The following SYDE2 variants were observed in gnomAD, a reference collection of about 807,000 sequenced individuals.
SYDE2 encodes the protein rho GTPase-activating protein SYDE2.
In SYDE2, 76 loss-of-function variants were observed where a neutral mutation model predicts 91.5. That is an observed-to-expected ratio of 0.83 (90% CI 0.69 to 1.01). The LOEUF is 1.01. Ranked by LOEUF, SYDE2 falls within the 50% of genes least tolerant of loss-of-function variation. The pLI, the probability that SYDE2 is intolerant of heterozygous loss-of-function variation, is 0.00. For missense variants in SYDE2, 1,364 were observed against 1,367.7 expected (o/e 1.00, Z 0.04); for synonymous variants, 513 against 506.4 (o/e 1.01, Z -0.18).
intron 2 of SYDE2, among the ~76,000 whole-genome samples, chr1:85,187,461 T>A (rs1658190282): frequency 6.6e-6 from 1 of 150,928 alleles, no homozygotes; most frequent in Admixed American, 6.6e-5. Context: ...AGTGTGGTGA[T>A]TCCTCAGGGA....
chr1:85,166,050 T>A (rs1032944597), intron 5 of SYDE2, among the ~76,000 whole-genome samples: 2 of 151,864 alleles, frequency 1.3e-5, no homozygotes, highest in Admixed American at 6.6e-5. Flanking sequence ...TTTTTAAAAA[T>A]TTTTTTGTAG....
intron 3 of SYDE2, among the ~76,000 whole-genome samples, chr1:85,180,239 C>T (rs1420165970): frequency 6.6e-6 from 1 of 151,832 alleles, no homozygotes; most frequent in Non-Finnish European, 1.5e-5. Context: ...CCCAATAATA[C>T]AAGAATAATT....
At chr1:85,188,161 A>G (rs962445965) in intron 2 of SYDE2, among the ~76,000 whole-genome samples, 25 of 152,222 alleles carry the variant, frequency 1.6e-4, no homozygotes, top group African/African-American at 6.0e-4. Flanking sequence ...GCTATCTGTG[A>G]TACTATAGCC....
intron 1 of SYDE2, among the ~76,000 whole-genome samples, chr1:85,197,219 G>A (rs1365304113): frequency 2.0e-5 from 3 of 152,114 alleles, no homozygotes. Flanking sequence ...CGGCCAATCT[G>A]CGAACACTAC....
At chr1:85,159,413 A>G (rs1656982705) in intron 6 of SYDE2, among the ~76,000 whole-genome samples, 164 bp from the exon 7 acceptor site, 2 of 152,234 alleles carry the variant, frequency 1.3e-5, no homozygotes, top group Admixed American at 6.5e-5. Context: ...TTTTATTACC[A>G]GAAATAATCT....
chr1:85,191,757 C>CAAAAAA (rs534474157), intron 1 of SYDE2, among the ~76,000 whole-genome samples: 1 of 93,468 alleles, frequency 1.1e-5, no homozygotes, highest in East Asian at 3.2e-4. Context: ...GATTCCGTCT[C>CAAAAAA]AAAAAAAAAA....
In SYDE2 at chr1:85,200,614, C is replaced by A; in HGVS notation, c.383G>T (p.Gly128Val). The change falls in exon 1 of 7, where the codon GGC becomes GTC. Residue 128 changes from glycine (G) to valine (V), a missense_variant. Coordinates refer to ENST00000341460, the MANE Select transcript of SYDE2 (RefSeq NM_032184.2). ...EPPPRGGRMD[G>V]WSGDRARAAA... The stretch of plus-strand genomic sequence containing the variant: ...CGCCCGGGCGCGGTCCCCACTCCAG[C>A]CGTCCATCCTGCCTCCACGTGGCGG... The A allele has an allele frequency of 6.4e-7, 1 of 1,556,100 alleles. No individual in the cohort carries two copies. The highest frequency in any genetic ancestry group is 8.7e-7 in the Non-Finnish European group (1 of 1,155,808).
chr1:85,160,734 C>G (rs761778965), intron 6 of SYDE2: 1 of 985,204 alleles, frequency 1.0e-6, no homozygotes, highest in Non-Finnish European at 1.2e-6. Flanking sequence ...CAACCAATTA[C>G]AATATTCTGC....
chr1:85,196,508 T>G (rs1174389242), intron 1 of SYDE2, among the ~76,000 whole-genome samples: 1 of 152,138 alleles, frequency 6.6e-6, no homozygotes, highest in Non-Finnish European at 1.5e-5. Flanking sequence ...ATGTAGGACT[T>G]TCAAATCAAC....
At chr1:85,160,325 T>C (rs958866604) in intron 6 of SYDE2, 3 of 910,426 alleles carry the variant, frequency 3.3e-6, no homozygotes, top group Non-Finnish European at 1.3e-6. Context: ...TAAAGTGATA[T>C]TCATAACATT....
In SYDE2 at chr1:85,200,392, G is replaced by T. The variant is rs1375845985; in HGVS notation, c.605C>A (p.Ser202Tyr). The T allele has an allele frequency of 9.3e-6, 15 of 1,613,920 alleles. No homozygotes were observed. The highest frequency in any genetic ancestry group is 1.3e-5 in the Non-Finnish European group (15 of 1,179,906). ...QKWMYKGRLL[S>Y]LGMKGRARGT... ...ACGGGCACGACCCTTCATTCCCAGG[G>T]ACAGCAGACGCCCTTTGTACATCCA... Residue 202 changes from serine (S) to tyrosine (Y), a missense_variant, in exon 1 of 7, where the codon TCC becomes TAC. By Grantham distance (144) the Ser-to-Tyr change is moderately radical. Coordinates refer to ENST00000341460, the MANE Select transcript of SYDE2 (RefSeq NM_032184.2).
chr1:85,168,220 G>A (rs1419715553), intron 5 of SYDE2, among the ~76,000 whole-genome samples: 1 of 151,452 alleles, frequency 6.6e-6, no homozygotes, highest in African/African-American at 2.4e-5. Flanking sequence ...GCACTCTTTA[G>A]CTGTTCCCTT....
chr1:85,152,667 C>T (rs1656808551), downstream of SYDE2: 1 of 152,160 alleles, frequency 6.6e-6, no homozygotes, highest in African/African-American at 2.4e-5. Flanking sequence ...AGTCCCTAGG[C>T]ATATGGCAAT....
Position 85,200,273 on chromosome 1 carries a change from C to G in SYDE2, c.724G>C (p.Asp242His). 1 of 1,613,966 alleles carries G rather than the reference C, an allele frequency of 6.2e-7. No individual in the cohort carries two copies. The highest frequency in any genetic ancestry group is 1.7e-5 in the Admixed American group (1 of 60,032). ...CTACCTGTCAGCGTAATTCTTTGGT[C>G]TGGAGGCACCGACAGGACACGGTTT... ...RENRVLSVPP[D>H]QRITLTDLFE... Residue 242 changes from aspartate to histidine, a missense_variant, in exon 1 of 7, where the codon GAC (aspartate) becomes CAC (histidine). By Grantham distance (81) the Asp-to-His change is moderately conservative. Coordinates refer to ENST00000341460, the MANE Select transcript of SYDE2 (RefSeq NM_032184.2).
intron 2 of SYDE2, among the ~76,000 whole-genome samples, chr1:85,187,210 T>G (rs868173368): frequency 0.021 from 3,230 of 152,158 alleles, 101 homozygotes; most frequent in African/African-American, 0.074. Flanking sequence ...GCGAAGGACA[T>G]GAACAGACAA....
In SYDE2 at chr1:85,200,751, G is replaced by A. The variant is rs1032974301; in HGVS notation, c.246C>T (p.Ser82=). The A allele has an allele frequency of 3.3e-6, 5 of 1,530,390 alleles. No individual in the cohort carries two copies. The highest frequency in any genetic ancestry group is 3.5e-6 in the Non-Finnish European group (4 of 1,143,828). 94.8% of individuals were successfully genotyped at this position (1,530,390 alleles called of 1,614,324 possible). A position where few individuals can be genotyped will look rare whatever the true frequency, so the allele number is the denominator to read the frequency against. The stretch of plus-strand genomic sequence containing the variant: ...GGAGGCTCTCGAGGCTTCTGCTGCA[G>A]GACGGCCGCATCCGAGGAGTCCGCA... ...GQLRTPRMRP[S]CSRSLESLRV... Residue 82 remains serine (S), a synonymous_variant, in exon 1 of 7, where the codon TCC becomes TCT. Transcript: ENST00000341460.
intron 4 of SYDE2, among the ~76,000 whole-genome samples, chr1:85,172,330 A>C (rs76382698): frequency 6.6e-6 from 1 of 152,326 alleles, no homozygotes; most frequent in East Asian, 1.9e-4. Flanking sequence ...GATATTAAGT[A>C]GACACTCCAG....
At chr1:85,161,610 C>T (rs951527593) in intron 6 of SYDE2, among the ~76,000 whole-genome samples, 1 of 151,704 alleles carries the variant, frequency 6.6e-6, no homozygotes, top group Non-Finnish European at 1.5e-5. Context: ...CCTGTAATCC[C>T]AGCCACTCAA....
At chr1:85,161,960 C>T (rs1052353918) in intron 6 of SYDE2, among the ~76,000 whole-genome samples, 1 of 151,988 alleles carries the variant, frequency 6.6e-6, no homozygotes, top group African/African-American at 2.4e-5. Context: ...CATTTTGTTC[C>T]CCCATCCCTT....
Sources: gnomAD v4.1 joint callset for allele counts (sites outside exome capture counted in the v4.1 genomes callset) on GRCh38, gnomAD v4.1.1 for gene constraint, MANE v1.5 for transcripts, NCBI Gene and HGNC (gene_info 2026-07-23, HGNC 2026-07-21) for gene names.